The following SBF1 variants were observed in gnomAD, a reference collection of about 807,000 sequenced individuals.
SBF1 encodes myotubularin-related protein 5.
In SBF1, 65 loss-of-function variants were observed where a neutral mutation model predicts 215.8. The observed-to-expected ratio is 0.30, with a 90% CI of 0.25 to 0.37. SBF1 has a LOEUF of 0.37. Ranked by LOEUF, SBF1 falls within the 10% of genes least tolerant of loss-of-function variation. SBF1 has a pLI of 1.00. For missense variants in SBF1, 2,634 were observed against 2,667.8 expected, an observed-to-expected ratio of 0.99 and a Z score of 0.28; for synonymous variants, 1,410 against 1,122.8, an observed-to-expected ratio of 1.26 and a Z score of -5.11.
intron 18 of SBF1, 30 bp downstream of exon 18, chr22:50,462,522 TAGCCCCC>T (rs753164948): frequency 6.9e-6 from 11 of 1,587,854 alleles, no homozygotes; most frequent in Non-Finnish European, 9.5e-6. Context: ...CCCCAGCCCC[TAGCCCCC>T]AGCCCCCAGC....
rs764238173 is a variant in SBF1, at chr22:50,466,178, G to T, written c.869C>A (p.Ala290Glu). Residue 290 changes from alanine (A) to glutamate (E), a missense_variant, in exon 8 of 41, where the codon GCG becomes GAG. Coordinates refer to ENST00000380817, the MANE Select transcript of SBF1 (RefSeq NM_002972.4). ...CTCCTGGGTCTCTGCCTGGAAGGCC[G>T]CGTTGACCCCAATGATGAAGGGCGT... The part of the protein sequence containing the change: ...TPTPFIIGVN[A>E]AFQAETQELL... 6.2e-7 allele frequency: 1 copy of T among 1,613,496 alleles called. No individual in the cohort carries two copies. Among genetic ancestry groups the T allele is most frequent in the Non-Finnish European group, 8.5e-7 (1 of 1,180,040 alleles).
chr22:50,457,985 G>A (rs1432735039), intron 28 of SBF1, among the ~76,000 whole-genome samples: 1 of 152,172 alleles, frequency 6.6e-6, no homozygotes, highest in Non-Finnish European at 1.5e-5. Flanking sequence ...CGCCAACCAG[G>A]GCCCAGTGTA....
In SBF1 at chr22:50,454,583, G is replaced by A. The variant is rs748082720; in HGVS notation, c.4972C>T (p.Arg1658Cys). 12 of 1,611,232 alleles carry A rather than the reference G, an allele frequency of 7.4e-6. No individual in the cohort carries two copies. The highest frequency in any genetic ancestry group is 1.3e-5 in the African/African-American group (1 of 74,884). Residue 1658 changes from arginine to cysteine, a missense_variant, in exon 36 of 41, where the codon CGC becomes TGC. Arg to Cys is a radical substitution (Grantham distance 180). Transcript: ENST00000380817. ...TCGTAACAGGGCCACACCACGCGGC[G>A]CCTGCTCTGGGGAGCGCCTCCATCA... ...RSDGGAPQSR[R>C]RVVWPCYDSC...
intron 15 of SBF1, 47 bp downstream of exon 15, chr22:50,464,280 CCT>C (rs779022311): frequency 2.2e-5 from 32 of 1,479,726 alleles, no homozygotes; most frequent in Non-Finnish European, 3.0e-5. Context: ...GCCTGGGTCT[CCT>C]CTGAAACCCG....
chr22:50,460,309 G>A lies in SBF1; in HGVS notation c.3246C>T (p.Gly1082=), dbSNP rs1334769482. 6.2e-7 allele frequency: 1 copy of A among 1,611,662 alleles called. No homozygotes were observed. The highest frequency in any genetic ancestry group is 2.2e-5 in the East Asian group (1 of 44,802). The change falls in exon 25 of 41, where the codon GGC becomes GGT. Residue 1082 remains glycine (G), a synonymous_variant. Coordinates refer to ENST00000380817, the MANE Select transcript of SBF1 (RefSeq NM_002972.4). ...CCTCCTGGTCCTCAGGGGGCGGCTGGCCCCGGTGCTCCCAGCTGGGGGGGT... is the reference window on the plus strand; with the variant it reads ...CCTCCTGGTCCTCAGGGGGCGGCTGACCCCGGTGCTCCCAGCTGGGGGGGT... ...KYNPPSWEHR[G]QPPPEDQEDE...
In SBF1 at chr22:50,468,401, T is replaced by G; in HGVS notation, c.116A>C (p.Asn39Thr). 6.2e-7 allele frequency: 1 copy of G among 1,612,612 alleles called. No individual in the cohort carries two copies. Among genetic ancestry groups the G allele is most frequent in the Non-Finnish European group, 8.5e-7 (1 of 1,179,348 alleles). The change falls in exon 2 of 41, where the codon AAC becomes ACC. Residue 39 changes from asparagine to threonine, a missense_variant. Transcript: ENST00000380817. ...QRFPEKDWED[N>T]PFPQGIELFC... ...CAGCTCGATGCCCTGGGGGAATGGG[T>G]TGTCCTCCCAGTCCTTCTCTGGGAA... is the stretch of plus-strand genomic sequence containing the variant.
rs747101219 is a variant in SBF1 at position 50,446,874 on chromosome 22, C to T, written c.*268G>A. 2.7e-6 allele frequency: 2 copies of T among 744,782 alleles called. No homozygotes were observed. The highest frequency in any genetic ancestry group is 4.9e-6 in the Non-Finnish European group (2 of 406,610). The allele number at this position is 744,782 out of a possible 1,614,324, so 46.1% of individuals were successfully genotyped here. On this transcript the variant is annotated 3_prime_UTR_variant, in exon 41 of 41. Coordinates refer to ENST00000380817, the MANE Select transcript of SBF1 (RefSeq NM_002972.4). ...CGCCTGCAGCCGCTGGCTGGACCAGCACACGCTGACGGGGCCGGACTATTT... is the reference window on the plus strand; with the variant it reads ...CGCCTGCAGCCGCTGGCTGGACCAGTACACGCTGACGGGGCCGGACTATTT...
At chr22:50,463,926 C>G (rs1050574591) in intron 15 of SBF1, among the ~76,000 whole-genome samples, 1 of 152,198 alleles carries the variant, frequency 6.6e-6, no homozygotes, top group East Asian at 1.9e-4. Context: ...GAGAGCAAAA[C>G]AGCAGGAGCA....
rs1485244894 is a variant in SBF1, at chr22:50,460,372, C to T, written c.3183G>A (p.Lys1061=). 7 of 1,613,432 alleles carry T rather than the reference C, an allele frequency of 4.3e-6. No individual in the cohort carries two copies. Among genetic ancestry groups the T allele is most frequent in the Non-Finnish European group, 5.9e-6 (7 of 1,179,562 alleles). ...GAGTGACATGCTGCCGCCCGATGGT[C>T]TTCTTGGCGTTCTTGACCAGGTTCC... The part of the protein sequence containing the change: ...LSRNLVKNAK[K]TIGRQHVTRK... Residue 1061 remains lysine, a synonymous_variant, in exon 25 of 41, where the codon AAG becomes AAA. Transcript: ENST00000380817.
In SBF1 at chr22:50,462,283, C is replaced by T. The variant is rs763014252; in HGVS notation, c.2318G>A (p.Ser773Asn). The change falls in exon 19 of 41, where the codon AGC (serine) becomes AAC (asparagine). Residue 773 changes from serine to asparagine, a missense_variant. By Grantham distance (46) the Ser-to-Asn change is conservative (BLOSUM62 1). Transcript: ENST00000380817. ...CTCCCGAAGTAGGCGGCTCTTGCTG[C>T]TGTCCAGGGGCAGGAGGAGGTAGCT... ...RMSYLLLPLD[S>N]SKSRLLRERA... The T allele has an allele frequency of 3.1e-5, 50 of 1,612,938 alleles. No homozygotes were observed. The Admixed American group carries it at 8.2e-4, about 26-fold the overall frequency.
Sources: allele counts gnomAD v4.1 joint callset (sites outside exome capture counted in the v4.1 genomes callset), GRCh38; gene constraint gnomAD v4.1.1; transcripts MANE v1.5; gene names NCBI Gene and HGNC (gene_info 2026-07-23, HGNC 2026-07-21).